SYNE1: variants seen among roughly 807,000 people sequenced by gnomAD.
SYNE1 encodes spectrin repeat containing nuclear envelope protein 1.
In SYNE1, 616 loss-of-function variants were observed where a neutral mutation model predicts 1,111.0. The ratio of observed to expected loss-of-function variants is 0.55; its 90% CI spans 0.52 to 0.59. The LOEUF (loss-of-function observed/expected upper bound fraction) is 0.59. Among genes scored for constraint, SYNE1 ranks in the 20% least tolerant of loss-of-function variants. SYNE1 has a pLI of 0.00. For synonymous variants in SYNE1, 3,855 were observed against 3,825.8 expected, an observed-to-expected ratio of 1.01 and a Z score of -0.28; for missense variants, 10,006 against 10,417.0, an observed-to-expected ratio of 0.96 and a Z score of 1.72.
Position 152,513,187 on chromosome 6 carries a change from C to CT in SYNE1, c.310-2085dup, listed in dbSNP as rs544620576. ...CCTGGCCCATGTAATCTGGAGAAGT[C>CT]TGAGTTATAAGACAGAGGCTTGAAT... is the stretch of plus-strand genomic sequence containing the variant. On this transcript the variant is annotated intron_variant, in intron 6 of 145. Transcript: ENST00000367255. Among the ~76,000 whole-genome samples the CT allele has an allele frequency of 1.8e-4, 27 of 152,264 alleles. No individual in the cohort carries two copies. The East Asian group carries it at 4.2e-3, about 24-fold the overall frequency.
intron 107 of SYNE1, among the ~76,000 whole-genome samples, chr6:152,240,386 C>G (rs374855632): frequency 6.6e-6 from 1 of 152,170 alleles, no homozygotes; most frequent in Non-Finnish European, 1.5e-5. Flanking sequence ...AGGATATTTG[C>G]GTGCTCATTC....
At chr6:152,564,428 T>C (rs2099404855) in intron 3 of SYNE1, among the ~76,000 whole-genome samples, 1 of 152,172 alleles carries the variant, frequency 6.6e-6, no homozygotes, top group African/African-American at 2.4e-5. Flanking sequence ...GCAATCTTCC[T>C]GCCTCAGCCT....
intron 39 of SYNE1, 104 bp from the exon 40 acceptor site, chr6:152,419,826 T>G: frequency 8.5e-7 from 1 of 1,179,884 alleles, no homozygotes. Flanking sequence ...AGCAATGTTG[T>G]CACACATGAA....
At chr6:152,611,338 G>T (rs1400607797) in intron 3 of SYNE1, among the ~76,000 whole-genome samples, 98 of 152,078 alleles carry the variant, frequency 6.4e-4, no homozygotes, top group Admixed American at 6.4e-3. Flanking sequence ...AAAAGCAGGA[G>T]TTGCAATCCT....
chr6:152,585,418 A>G (rs1043633875), intron 3 of SYNE1, among the ~76,000 whole-genome samples: 15 of 152,254 alleles, frequency 9.9e-5, no homozygotes, highest in African/African-American at 3.1e-4. Flanking sequence ...TCATAGAAAC[A>G]AAATTACTGA....
intron 3 of SYNE1, among the ~76,000 whole-genome samples, chr6:152,573,195 A>G (rs1002119339): frequency 5.3e-5 from 8 of 151,872 alleles, no homozygotes; most frequent in African/African-American, 1.9e-4. Flanking sequence ...TTTTATTATT[A>G]TTATACTTTA....
In SYNE1 at chr6:152,201,836, T is replaced by C; in HGVS notation, c.23133A>G (p.Gln7711=). 6.2e-7 allele frequency: 1 copy of C among 1,613,916 alleles called. No individual in the cohort carries two copies. Among genetic ancestry groups the C allele is most frequent in the Middle Eastern group, 1.7e-4 (1 of 6,056 alleles). ...PDHHEELHAE[Q]MRCKELENAV... is the part of the protein sequence containing the mutation. ...TTCAGTAATTTACCTTGCAACGCAT[T>C]TGTTCTGCATGGAGCTCTTCATGGT... Residue 7711 remains glutamine (Q), a synonymous_variant, in exon 127 of 146, where the codon CAA becomes CAG. Transcript: ENST00000367255.
chr6:152,261,895 A>G (rs2092048155), intron 101 of SYNE1, 137 bp downstream of exon 101: 2 of 609,140 alleles, frequency 3.3e-6, no homozygotes, highest in Non-Finnish European at 5.4e-6. Flanking sequence ...GTTAAGAAAA[A>G]TGTAGAGTGA....
In SYNE1 at chr6:152,174,952, G is replaced by A. The variant is rs547541742; in HGVS notation, c.23627+1442C>T. On this transcript the variant is annotated intron_variant, in intron 130 of 145. Coordinates refer to ENST00000367255, the MANE Select transcript of SYNE1 (RefSeq NM_182961.4). The stretch of plus-strand genomic sequence containing the variant: ...CTCACACCTGTAACCCCAGCACTTC[G>A]GGAGGCCGAGGCGGGTGGCTCACCT... Among the ~76,000 whole-genome samples, 13 of 152,298 alleles carry A rather than the reference G, an allele frequency of 8.5e-5. No homozygotes were observed. The East Asian group carries it at 1.5e-3, about 18-fold the overall frequency.
intron 3 of SYNE1, among the ~76,000 whole-genome samples, chr6:152,569,109 T>G (rs539926649): frequency 3.9e-4 from 59 of 152,328 alleles, no homozygotes; most frequent in African/African-American, 1.3e-3. Flanking sequence ...AGCAGCAGCA[T>G]CAGCACCACC....
At chr6:152,592,014 AAAC>A (rs1398100195) in intron 3 of SYNE1, among the ~76,000 whole-genome samples, 2 of 152,084 alleles carry the variant, frequency 1.3e-5, no homozygotes, top group Non-Finnish European at 2.9e-5. Context: ...AAAAACTCAA[AAAC>A]AACAGATGCT....
intron 45 of SYNE1, among the ~76,000 whole-genome samples, chr6:152,404,590 T>A (rs1324536149): frequency 6.6e-6 from 1 of 152,150 alleles, no homozygotes; most frequent in Non-Finnish European, 1.5e-5. Context: ...AATTAAACAC[T>A]GACCCAAAGT....
At chr6:152,343,828 A>G (rs1167335666) in intron 74 of SYNE1, among the ~76,000 whole-genome samples, 1 of 152,008 alleles carries the variant, frequency 6.6e-6, no homozygotes, top group African/African-American at 2.4e-5. Flanking sequence ...TTGGCCTCCC[A>G]AAGTGCTGGG....
intron 130 of SYNE1, among the ~76,000 whole-genome samples, chr6:152,167,257 C>T (rs993615529): frequency 3.9e-5 from 6 of 152,094 alleles, no homozygotes; most frequent in African/African-American, 1.4e-4. Context: ...TATGTATATA[C>T]GTACTTACAC....
At chr6:152,618,038 C>T (rs969835800) in intron 3 of SYNE1, among the ~76,000 whole-genome samples, 1 of 152,120 alleles carries the variant, frequency 6.6e-6, no homozygotes, top group African/African-American at 2.4e-5. Context: ...TATAGTGAGT[C>T]CTTGCAAGCT....
intron 4 of SYNE1, among the ~76,000 whole-genome samples, chr6:152,534,168 A>G (rs1327709034): frequency 6.8e-6 from 1 of 146,642 alleles, no homozygotes; most frequent in Non-Finnish European, 1.5e-5. Flanking sequence ...AAAAAAATAA[A>G]TAAATGAATG....
At position 152,500,916 on chromosome 6, in the gene SYNE1, A is replaced by T. The variant is rs369460313; in HGVS notation, c.888+1717T>A. 1.0e-4 allele frequency among the ~76,000 whole-genome samples: 15 copies of T among 149,086 alleles called. No homozygotes were observed. The South Asian group carries it at 2.3e-3, about 23-fold the overall frequency. Reference sequence around the variant, plus strand: ...CAGTGAGCCGAGATCGCACCACTGCACTCCAGCCTGGGTGACAGAGTGAGA... The same window carrying T: ...CAGTGAGCCGAGATCGCACCACTGCTCTCCAGCCTGGGTGACAGAGTGAGA... On this transcript the variant is annotated intron_variant, in intron 10 of 145. Transcript: ENST00000367255.
rs2056781409 is a variant in SYNE1 at position 152,135,217 on chromosome 6, T to C, written c.25675A>G (p.Ser8559Gly). 1 of 1,614,108 alleles carries C rather than the reference T, an allele frequency of 6.2e-7. No individual in the cohort carries two copies. Among genetic ancestry groups the C allele is most frequent in the Non-Finnish European group, 8.5e-7 (1 of 1,179,990 alleles). The change falls in exon 142 of 146, where the codon AGC becomes GGC. Residue 8559 changes from serine to glycine, a missense_variant. Physicochemically the swap from Ser to Gly is moderately conservative, Grantham distance 56 (BLOSUM62 0). Transcript: ENST00000367255. ...TCCAGCATAAGAAGCAAACCATGGC[T>C]CATTTCATGGAAACCCTACAGAAAA... ...LMQCQGFHEM[S>G]HGLLLMLENI...
chr6:152,554,548 C>T (rs1448213788), intron 3 of SYNE1, among the ~76,000 whole-genome samples: 1 of 152,158 alleles, frequency 6.6e-6, no homozygotes, highest in Non-Finnish European at 1.5e-5. Flanking sequence ...CCATCTTAGA[C>T]ATCTTAGTTT....
Sources: allele counts gnomAD v4.1 joint callset (sites outside exome capture counted in the v4.1 genomes callset), GRCh38; gene constraint gnomAD v4.1.1; transcripts MANE v1.5; gene names NCBI Gene and HGNC (gene_info 2026-07-23, HGNC 2026-07-21).